MALRD1: variants seen among roughly 807,000 people sequenced by gnomAD.
The protein encoded by MALRD1 is MAM and LDL-receptor class A domain-containing protein 1.
Under a neutral mutation model 242.1 loss-of-function variants are expected in MALRD1, and 247 were observed. The observed-to-expected ratio is 1.02, with a 90% confidence interval of 0.92 to 1.13. The LOEUF (loss-of-function observed/expected upper bound fraction) is 1.13. MALRD1 is among the 50% of genes most tolerant of loss of function. The probability of loss-of-function intolerance (pLI) is 0.00; values close to 1 mark genes in which losing one functional copy is unlikely to be tolerated. For missense variants in MALRD1, 2,989 were observed against 2,533.1 expected, an observed-to-expected ratio of 1.18 and a Z score of -3.86; for synonymous variants, 995 against 866.6, an observed-to-expected ratio of 1.15 and a Z score of -2.60.
intron 21 of MALRD1, 68 bp from the exon 22 acceptor site, chr10:19,323,881 G>A: frequency 6.9e-7 from 1 of 1,451,874 alleles, no homozygotes; most frequent in Non-Finnish European, 9.4e-7. Flanking sequence ...AAATTCCTGG[G>A]ATTACAGGCG....
At chr10:19,700,834 T>G (rs1034101767) in intron 38 of MALRD1, among the ~76,000 whole-genome samples, 3 of 152,156 alleles carry the variant, frequency 2.0e-5, no homozygotes, top group Admixed American at 1.3e-4. Context: ...ACCAAGATAA[T>G]GAAGTTCTTA....
chr10:19,444,899 A>T (rs922349837), intron 28 of MALRD1, among the ~76,000 whole-genome samples: 1 of 152,096 alleles, frequency 6.6e-6, no homozygotes, highest in Non-Finnish European at 1.5e-5. Flanking sequence ...CCTGCAGAGT[A>T]TTTTCCAACT....
chr10:19,348,224 T>C (rs1844218200), intron 25 of MALRD1, among the ~76,000 whole-genome samples: 1 of 152,160 alleles, frequency 6.6e-6, no homozygotes, highest in South Asian at 2.1e-4. Flanking sequence ...ATTTCTCCTA[T>C]GGATAAATTC....
rs1835733989 is a variant in MALRD1, at chr10:19,088,023, G to T, written c.436-1G>T. On this transcript the variant is annotated splice_acceptor_variant, in intron 3 of 39. Transcript: ENST00000454679. LOFTEE classifies it high-confidence loss of function. ...GTTTGGGTACTAATTGTCTTTCACA[G>T]ATTACATTTTATTACTTCTCCTGCC... 8.1e-7 allele frequency: 1 copy of T among 1,233,442 alleles called. No homozygotes were observed. The highest frequency in any genetic ancestry group is 1.5e-5 in the African/African-American group (1 of 64,564). 76.4% of individuals were successfully genotyped at this position (1,233,442 alleles called of 1,614,324 possible).
chr10:19,128,446 G>C (rs960375922), intron 8 of MALRD1, 59 bp downstream of exon 8: 2 of 1,154,564 alleles, frequency 1.7e-6, no homozygotes, highest in African/African-American at 1.6e-5. Flanking sequence ...TCTAACTCTT[G>C]GCAACTTGTG....
intron 33 of MALRD1, among the ~76,000 whole-genome samples, chr10:19,569,078 A>C (rs1349509955): frequency 6.6e-6 from 1 of 152,142 alleles, no homozygotes; most frequent in Non-Finnish European, 1.5e-5. Flanking sequence ...AATATATTCT[A>C]GATCGATATT....
intron 28 of MALRD1, among the ~76,000 whole-genome samples, chr10:19,391,174 G>A (rs993203727): frequency 6.6e-6 from 1 of 152,052 alleles, no homozygotes; most frequent in East Asian, 1.9e-4. Flanking sequence ...TCCTCTAATT[G>A]ATTCTTAGGG....
intron 33 of MALRD1, among the ~76,000 whole-genome samples, chr10:19,570,276 A>G (rs1836462008): frequency 6.6e-6 from 1 of 152,054 alleles, no homozygotes; most frequent in Non-Finnish European, 1.5e-5. Flanking sequence ...CATAAATTAA[A>G]TCAGTACTCC....
intron 5 of MALRD1, among the ~76,000 whole-genome samples, chr10:19,121,515 G>T (rs1267101006): frequency 6.6e-6 from 1 of 152,206 alleles, no homozygotes. Context: ...GTTGGAGAAG[G>T]TTGTCGGATC....
chr10:19,134,683 AT>A (rs1833262761), intron 9 of MALRD1, among the ~76,000 whole-genome samples: 1 of 152,196 alleles, frequency 6.6e-6, no homozygotes, highest in South Asian at 2.1e-4. Context: ...ACACTATTTA[AT>A]TTTCATAGGC....
chr10:19,202,896 T>C (rs1836608181), intron 14 of MALRD1, among the ~76,000 whole-genome samples: 1 of 152,176 alleles, frequency 6.6e-6, no homozygotes. Flanking sequence ...ACCCTACAAC[T>C]TCCTAAATAT....
At chr10:19,547,885 A>C (rs1835309000) in intron 32 of MALRD1, among the ~76,000 whole-genome samples, 2 of 123,594 alleles carry the variant, frequency 1.6e-5, no homozygotes, top group Non-Finnish European at 3.3e-5. Flanking sequence ...TGCATTCAGC[A>C]AGTGTATGTA....
intron 29 of MALRD1, among the ~76,000 whole-genome samples, chr10:19,476,595 G>A (rs971410950): frequency 6.6e-6 from 1 of 152,126 alleles, no homozygotes; most frequent in Non-Finnish European, 1.5e-5. Flanking sequence ...GCTTACCCCA[G>A]GCTGGTGGGG....
intron 26 of MALRD1, among the ~76,000 whole-genome samples, chr10:19,381,576 C>A (rs560198031): frequency 6.6e-6 from 1 of 151,646 alleles, no homozygotes; most frequent in Non-Finnish European, 1.5e-5. Context: ...GCTTGTAATC[C>A]CAGCACAACG....
chr10:19,067,480 C>G (rs1835016030), intron 2 of MALRD1, among the ~76,000 whole-genome samples: 1 of 152,104 alleles, frequency 6.6e-6, no homozygotes, highest in African/African-American at 2.4e-5. Context: ...AACACATTTC[C>G]TTGCATAACT....
At chr10:19,366,335 G>A (rs1198881311) in intron 26 of MALRD1, among the ~76,000 whole-genome samples, 3 of 151,982 alleles carry the variant, frequency 2.0e-5, no homozygotes, top group Non-Finnish European at 2.9e-5. Flanking sequence ...AATAGGGTTT[G>A]CGCTCCTATG....
At chr10:19,207,565 A>T (rs569570761) in intron 17 of MALRD1, among the ~76,000 whole-genome samples, 2 of 152,120 alleles carry the variant, frequency 1.3e-5, no homozygotes, top group East Asian at 3.9e-4. Context: ...CAGTGGCAGG[A>T]TCTCTGCTCA....
In MALRD1 at chr10:19,450,363, T is replaced by C. The variant is rs1461564315; in HGVS notation, c.4902T>C (p.His1634=). Residue 1634 remains histidine, a synonymous_variant, in exon 29 of 40, where the codon CAT becomes CAC. Coordinates refer to ENST00000454679, the MANE Select transcript of MALRD1 (RefSeq NM_001142308.3). ...AAAGTAAGCAGAACCCTGGTAATCATTGGCAAAAGGCTGACATCCTGCTAG... is the reference window on the plus strand; with the variant it reads ...AAAGTAAGCAGAACCCTGGTAATCACTGGCAAAAGGCTGACATCCTGCTAG... ...WQESKQNPGN[H]WQKADILLGK... is the part of the protein sequence containing the mutation. The C allele has an allele frequency of 1.9e-6, 3 of 1,549,874 alleles. No homozygotes were observed. The highest frequency in any genetic ancestry group is 2.4e-5 in the East Asian group (1 of 40,902).
intron 24 of MALRD1, among the ~76,000 whole-genome samples, chr10:19,335,082 T>G (rs1843544955): frequency 6.6e-6 from 1 of 152,122 alleles, no homozygotes; most frequent in African/African-American, 2.4e-5. Flanking sequence ...TTGTTAGTTC[T>G]TTTATTTCAA....
Sources: allele counts gnomAD v4.1 joint callset (sites outside exome capture counted in the v4.1 genomes callset), GRCh38; gene constraint gnomAD v4.1.1; transcripts MANE v1.5; gene names NCBI Gene and HGNC (gene_info 2026-07-23, HGNC 2026-07-21).